Variants in CADM2 observed in about 807,000 individuals in gnomAD.
CADM2 encodes the protein cell adhesion molecule 2, also known as immunoglobulin superfamily member 4D.
Under a neutral mutation model 49.8 loss-of-function variants are expected in CADM2, and 12 were observed. The observed-to-expected ratio is 0.24, with a 90% CI of 0.15 to 0.39. The LOEUF is 0.39. CADM2 is among the 10% of genes least tolerant of loss of function. The pLI is 1.00. For synonymous variants in CADM2, 214 were observed against 175.4 expected (o/e 1.22, Z -1.74); for missense variants, 378 against 492.3 (o/e 0.77, Z 2.20).
intron 1 of CADM2, among the ~76,000 whole-genome samples, chr3:85,382,486 C>G (rs2033961853): frequency 6.6e-6 from 1 of 152,142 alleles, no homozygotes; most frequent in East Asian, 1.9e-4. Flanking sequence ...ATTCTGCTTC[C>G]TGACTCATGA....
At chr3:85,696,269 A>G (rs544521590) in intron 1 of CADM2, among the ~76,000 whole-genome samples, 1 of 152,206 alleles carries the variant, frequency 6.6e-6, no homozygotes, top group African/African-American at 2.4e-5. Context: ...TTTTAGTTTA[A>G]TTAAGTCCCA....
chr3:85,143,113 A>G (rs2039625768), intron 1 of CADM2, among the ~76,000 whole-genome samples: 1 of 152,204 alleles, frequency 6.6e-6, no homozygotes, highest in Admixed American at 6.5e-5. Context: ...GACAACTTAC[A>G]TACTAAGAAA....
In CADM2 at chr3:85,471,491, C is replaced by A. The variant is rs76333920; in HGVS notation, c.62-255031C>A. Reference sequence around the variant, plus strand: ...AAACCAAATGTAGGTGGACCATAAGCAATCTGTGCCAAAGACTCAAAATAA... The same window carrying A: ...AAACCAAATGTAGGTGGACCATAAGAAATCTGTGCCAAAGACTCAAAATAA... On this transcript the variant is annotated intron_variant, in intron 1 of 9. Transcript: ENST00000383699. 1.3e-3 allele frequency among the ~76,000 whole-genome samples: 192 copies of A among 152,116 alleles called. 2 individuals carry two copies. Among genetic ancestry groups the A allele is most frequent in the Non-Finnish European group, 1.6e-3 (110 of 67,976 alleles).
At chr3:85,568,455 CTT>C (rs1463965877) in intron 1 of CADM2, among the ~76,000 whole-genome samples, 506 of 37,904 alleles carry the variant, frequency 0.013, 22 homozygotes, top group African/African-American at 0.046. Context: ...TTCTTTCTTT[CTT>C]TCTTTCTCTT....
At chr3:85,769,589 A>T (rs1306454109) in intron 2 of CADM2, among the ~76,000 whole-genome samples, 1 of 89,664 alleles carries the variant, frequency 1.1e-5, no homozygotes, top group Non-Finnish European at 2.0e-5. Context: ...ATACATATAT[A>T]GTATATACAC....
intron 1 of CADM2, among the ~76,000 whole-genome samples, chr3:85,252,686 A>G (rs1422278219): frequency 6.6e-6 from 1 of 151,968 alleles, no homozygotes; most frequent in East Asian, 1.9e-4. Context: ...CTAGTTAAAC[A>G]TTTAGTCTCA....
intron 1 of CADM2, among the ~76,000 whole-genome samples, chr3:85,408,526 A>G (rs1442742989): frequency 3.3e-5 from 5 of 152,176 alleles, no homozygotes; most frequent in Non-Finnish European, 5.9e-5. Context: ...CAACTACCAT[A>G]CAAACTATAG....
intron 2 of CADM2, among the ~76,000 whole-genome samples, chr3:85,799,610 C>A (rs57177092): frequency 0.054 from 8,265 of 152,218 alleles, 639 homozygotes; most frequent in African/African-American, 0.17. Flanking sequence ...CTTGCATCCC[C>A]AGGATGAAAT....
chr3:85,472,389 C>T (rs111403242), intron 1 of CADM2, among the ~76,000 whole-genome samples: 1,637 of 151,922 alleles, frequency 0.011, 16 homozygotes, highest in Non-Finnish European at 0.017. Flanking sequence ...CATACACACA[C>T]GCACCCACAC....
chr3:85,852,019 T>C (rs2075127652), intron 3 of CADM2, among the ~76,000 whole-genome samples: 1 of 152,098 alleles, frequency 6.6e-6, no homozygotes, highest in South Asian at 2.1e-4. Context: ...TTTATGTACC[T>C]ACATGGATCT....
intron 1 of CADM2, among the ~76,000 whole-genome samples, chr3:85,005,421 C>T (rs1366560379): frequency 6.6e-6 from 1 of 152,062 alleles, no homozygotes; most frequent in East Asian, 1.9e-4. Flanking sequence ...ATTCAGTGGA[C>T]AGAGTGGACC....
intron 6 of CADM2, among the ~76,000 whole-genome samples, chr3:85,921,841 T>A (rs1311834092): frequency 6.6e-6 from 1 of 152,098 alleles, no homozygotes; most frequent in Non-Finnish European, 1.5e-5. Context: ...TATCTCACTT[T>A]ACTTCTCCCA....
rs1474209870 is a variant in CADM2, at chr3:84,959,357, C to CG, written c.-250dup. ...AACCCCTGCCTGGAAGACGGGCTGT[C>CG]GCGGCTGCACCACCAGCAGGAGGAG... On this transcript the variant is annotated 5_prime_UTR_variant, in exon 1 of 10. Coordinates refer to ENST00000383699, the MANE Select transcript of CADM2 (RefSeq NM_001167675.2). 6 of 564,988 alleles carry CG rather than the reference C, an allele frequency of 1.1e-5. No homozygotes were observed. 35.0% of individuals were successfully genotyped at this position (564,988 alleles called of 1,614,324 possible). A position where few individuals can be genotyped will look rare whatever the true frequency, so the allele number is the denominator to read the frequency against.
At chr3:85,363,591 G>T (rs1198342066) in intron 1 of CADM2, among the ~76,000 whole-genome samples, 1 of 151,998 alleles carries the variant, frequency 6.6e-6, no homozygotes, top group Non-Finnish European at 1.5e-5. Flanking sequence ...GTGGTATTTT[G>T]ATTTGATATC....
At chr3:86,001,486 T>C (rs1730188881) in intron 8 of CADM2, among the ~76,000 whole-genome samples, 1 of 152,066 alleles carries the variant, frequency 6.6e-6, no homozygotes, top group Non-Finnish European at 1.5e-5. Context: ...TAAATGGATA[T>C]GAGTGCTTTG....
intron 1 of CADM2, among the ~76,000 whole-genome samples, chr3:85,246,380 G>A (rs1462024002): frequency 6.6e-6 from 1 of 151,800 alleles, no homozygotes; most frequent in Non-Finnish European, 1.5e-5. Flanking sequence ...CACCAACATG[G>A]CACATGTACA....
At chr3:85,261,775 G>T (rs1344820460) in intron 1 of CADM2, among the ~76,000 whole-genome samples, 1 of 151,968 alleles carries the variant, frequency 6.6e-6, no homozygotes, top group African/African-American at 2.4e-5. Flanking sequence ...GACCATGCAG[G>T]TATTTTTTTG....
chr3:85,813,532 CTTTAGT>C (rs1309722863), intron 3 of CADM2, among the ~76,000 whole-genome samples: 2 of 152,080 alleles, frequency 1.3e-5, no homozygotes, highest in Non-Finnish European at 2.9e-5. Context: ...TGCAGAAGTT[CTTTAGT>C]TTAATTAGAT....
At chr3:85,779,747 C>A (rs2070540739) in intron 2 of CADM2, among the ~76,000 whole-genome samples, 1 of 152,138 alleles carries the variant, frequency 6.6e-6, no homozygotes, top group African/African-American at 2.4e-5. Context: ...TAAACATTTA[C>A]AGATACTATA....
Sources: gnomAD v4.1 joint callset for allele counts (sites outside exome capture counted in the v4.1 genomes callset) on GRCh38, gnomAD v4.1.1 for gene constraint, MANE v1.5 for transcripts, NCBI Gene and HGNC (gene_info 2026-07-23, HGNC 2026-07-21) for gene names.